The following NME7 variants were observed in gnomAD, a reference collection of about 807,000 sequenced individuals.
The protein encoded by NME7 is nucleoside diphosphate kinase 7.
Under a neutral mutation model 49.1 loss-of-function variants are expected in NME7, and 41 were observed. The ratio of observed to expected loss-of-function variants is 0.83; its 90% CI spans 0.65 to 1.08. NME7 has a LOEUF of 1.08. NME7 is among the 50% of genes least tolerant of loss of function. The pLI is 0.00. For missense variants in NME7, 423 were observed against 463.4 expected, an observed-to-expected ratio of 0.91 and a Z score of 0.80; for synonymous variants, 139 against 150.6, an observed-to-expected ratio of 0.92 and a Z score of 0.56.
chr1:169,350,151 CAAGAAAGAAAGAAAG>C (rs1328109910), intron 1 of NME7, among the ~76,000 whole-genome samples: 1 of 145,774 alleles, frequency 6.9e-6, no homozygotes, highest in East Asian at 2.0e-4. Flanking sequence ...AAGATCGTGC[CAAGAAAGAAAGAAAG>C]AAGAAAGAAA....
intron 10 of NME7, among the ~76,000 whole-genome samples, chr1:169,185,002 A>T (rs1020780278): frequency 1.3e-5 from 2 of 152,208 alleles, no homozygotes; most frequent in Non-Finnish European, 2.9e-5. Context: ...TACTAGAGAT[A>T]TATGCAAAGT....
chr1:169,331,076 G>A (rs1652238293), intron 1 of NME7, among the ~76,000 whole-genome samples: 1 of 152,126 alleles, frequency 6.6e-6, no homozygotes, highest in Non-Finnish European at 1.5e-5. Context: ...CAAAATACTA[G>A]CAAACTGAAT....
chr1:169,314,256 G>GA (rs914795744), intron 3 of NME7, among the ~76,000 whole-genome samples: 135 of 149,348 alleles, frequency 9.0e-4, no homozygotes, highest in African/African-American at 2.6e-3. Flanking sequence ...TAGGTTCATG[G>GA]AAAAAAAACA....
chr1:169,320,924 GA>G (rs1343432970), intron 3 of NME7, among the ~76,000 whole-genome samples: 1 of 152,098 alleles, frequency 6.6e-6, no homozygotes, highest in Non-Finnish European at 1.5e-5. Flanking sequence ...GAATTTTAGG[GA>G]AAAACAAAAC....
At chr1:169,194,794 G>C (rs575340304) in intron 10 of NME7, among the ~76,000 whole-genome samples, 11 of 152,108 alleles carry the variant, frequency 7.2e-5, no homozygotes, top group Non-Finnish European at 1.3e-4. Context: ...AAAATGTTAG[G>C]GGCAGAGTCA....
intron 10 of NME7, among the ~76,000 whole-genome samples, chr1:169,212,361 C>A (rs888375651): frequency 6.6e-6 from 1 of 151,970 alleles, no homozygotes; most frequent in African/African-American, 2.4e-5. Flanking sequence ...AAAATATAGT[C>A]AATCCCCACT....
chr1:169,193,837 G>A (rs962509945), intron 10 of NME7, among the ~76,000 whole-genome samples: 13 of 151,914 alleles, frequency 8.6e-5, no homozygotes, highest in African/African-American at 1.2e-4. Context: ...TAAAAAGAGA[G>A]TGGAAAGAAA....
chr1:169,153,569 T>C (rs923514306), intron 11 of NME7, among the ~76,000 whole-genome samples: 4 of 152,210 alleles, frequency 2.6e-5, no homozygotes, highest in Non-Finnish European at 4.4e-5. Context: ...CTGCTCTCCA[T>C]TGAACTCTCA....
intron 1 of NME7, among the ~76,000 whole-genome samples, chr1:169,351,580 T>C (rs893284925): frequency 6.6e-6 from 1 of 150,874 alleles, no homozygotes; most frequent in African/African-American, 2.4e-5. Flanking sequence ...AATAAGATCA[T>C]GGCAGAAATA....
At chr1:169,232,920 T>C (rs1226673759) in intron 9 of NME7, among the ~76,000 whole-genome samples, 46 of 138,348 alleles carry the variant, frequency 3.3e-4, no homozygotes, top group Admixed American at 1.2e-3. Flanking sequence ...TTCTTTTTTT[T>C]TTTTTTTTTT....
intron 10 of NME7, among the ~76,000 whole-genome samples, chr1:169,188,214 T>C (rs1660127101): frequency 2.0e-5 from 3 of 152,022 alleles, no homozygotes; most frequent in Non-Finnish European, 4.4e-5. Context: ...GGAGAGTACA[T>C]CAGAAAATAA....
intron 6 of NME7, among the ~76,000 whole-genome samples, chr1:169,296,991 C>T (rs938493600): frequency 1.7e-4 from 26 of 150,976 alleles, no homozygotes; most frequent in African/African-American, 5.8e-4. Context: ...TTTTTTCCCC[C>T]GAGATGGAGT....
chr1:169,253,814 A>C (rs1648759864), intron 7 of NME7, among the ~76,000 whole-genome samples: 1 of 151,386 alleles, frequency 6.6e-6, no homozygotes, highest in African/African-American at 2.4e-5. Context: ...GCATCTATTG[A>C]GATAATCATG....
At position 169,163,117 on chromosome 1, in the gene NME7, A is replaced by G. The variant is rs137975556; in HGVS notation, c.1098+6330T>C. Reference sequence around the variant, plus strand: ...CAATGATTCCCAAAGATGTTTTTCAACGAATCCTGGGGAAAGATGAAGGAA... The same window carrying G: ...CAATGATTCCCAAAGATGTTTTTCAGCGAATCCTGGGGAAAGATGAAGGAA... On this transcript the variant is annotated intron_variant, in intron 11 of 11. Transcript: ENST00000367811. Among the ~76,000 whole-genome samples the G allele has an allele frequency of 5.9e-3, 893 of 152,314 alleles. 5 individuals are homozygous for G. The highest frequency in any genetic ancestry group is 7.7e-3 in the Admixed American group (118 of 15,300).
chr1:169,186,410 C>A (rs1370662572), intron 10 of NME7, among the ~76,000 whole-genome samples: 1 of 152,058 alleles, frequency 6.6e-6, no homozygotes, highest in African/African-American at 2.4e-5. Context: ...ATATTTCATA[C>A]TTAAGATTCA....
intron 7 of NME7, among the ~76,000 whole-genome samples, chr1:169,248,195 A>AT (rs529969596): frequency 5.5e-4 from 83 of 152,236 alleles, no homozygotes; most frequent in African/African-American, 1.9e-3. Flanking sequence ...GTAAGGCAGT[A>AT]TCTCATTGTA....
chr1:169,299,318 C>T (rs769155961), intron 5 of NME7, among the ~76,000 whole-genome samples: 3 of 151,914 alleles, frequency 2.0e-5, no homozygotes, highest in South Asian at 2.1e-4. Flanking sequence ...CTTTTATTAG[C>T]GTAAAAACTA....
intron 9 of NME7, among the ~76,000 whole-genome samples, chr1:169,231,971 T>G (rs1006805344): frequency 6.6e-6 from 1 of 151,262 alleles, no homozygotes; most frequent in Non-Finnish European, 1.5e-5. Flanking sequence ...CAGGCAAATA[T>G]GTAGGAAAAT....
intron 1 of NME7, among the ~76,000 whole-genome samples, chr1:169,358,547 ATT>A (rs1653539633): frequency 6.6e-6 from 1 of 152,110 alleles, no homozygotes; most frequent in African/African-American, 2.4e-5. Context: ...CCAACTTAAT[ATT>A]CTTCACTACA....
Sources: gnomAD v4.1 joint callset for allele counts (sites outside exome capture counted in the v4.1 genomes callset) on GRCh38, gnomAD v4.1.1 for gene constraint, MANE v1.5 for transcripts, NCBI Gene and HGNC (gene_info 2026-07-23, HGNC 2026-07-21) for gene names.